LAMB4: variants seen among roughly 807,000 people sequenced by gnomAD.
The protein encoded by LAMB4 is laminin subunit beta-4.
LAMB4 carries 196 observed loss-of-function variants against 199.2 expected under a neutral mutation model. The ratio of observed to expected loss-of-function variants is 0.98; its 90% CI spans 0.88 to 1.11. LAMB4 has a LOEUF of 1.11. LAMB4 is among the 50% of genes least tolerant of loss of function. LAMB4 has a pLI of 0.00. For missense variants in LAMB4, 2,080 were observed against 2,171.2 expected, an observed-to-expected ratio of 0.96 and a Z score of 0.83; for synonymous variants, 744 against 770.6, an observed-to-expected ratio of 0.97 and a Z score of 0.57.
intron 2 of LAMB4, among the ~76,000 whole-genome samples, chr7:108,116,901 G>T (rs973597627): frequency 9.9e-5 from 15 of 152,160 alleles, no homozygotes; most frequent in Non-Finnish European, 1.3e-4. Flanking sequence ...GCCAGGCATG[G>T]TGGTTCATGC....
intron 3 of LAMB4, 56 bp downstream of exon 3, chr7:108,115,948 A>G: frequency 6.4e-7 from 1 of 1,565,988 alleles, no homozygotes; most frequent in South Asian, 1.2e-5. Context: ...GTACCTGGAA[A>G]AATCTACATC....
intron 29 of LAMB4, among the ~76,000 whole-genome samples, 195 bp from the exon 30 acceptor site, chr7:108,037,790 G>C (rs1418050960): frequency 6.6e-6 from 1 of 152,188 alleles, no homozygotes; most frequent in African/African-American, 2.4e-5. Context: ...AAGAAACAGT[G>C]CTCACTGAGT....
the LAMB4 span, among the ~76,000 whole-genome samples, chr7:108,015,128 C>T: frequency 6.6e-6 from 1 of 152,152 alleles, no homozygotes; most frequent in Non-Finnish European, 1.5e-5. Flanking sequence ...TGTTAGATTT[C>T]TTGTTTCCAA....
At chr7:108,028,222 T>G (rs2034905220) in intron 33 of LAMB4, among the ~76,000 whole-genome samples, 1 of 152,210 alleles carries the variant, frequency 6.6e-6, no homozygotes, top group Non-Finnish European at 1.5e-5. Context: ...ATATTGATTC[T>G]TTTGGAGAGT....
At chr7:108,078,118 A>T in intron 16 of LAMB4, 83 bp downstream of exon 16, 2 of 875,686 alleles carry the variant, frequency 2.3e-6, no homozygotes, top group Non-Finnish European at 3.7e-6. Context: ...CTCTTTCTCC[A>T]CTTAGTTCCC....
chr7:108,121,445 G>T (rs1039112104), intron 2 of LAMB4, among the ~76,000 whole-genome samples: 6 of 152,082 alleles, frequency 3.9e-5, no homozygotes, highest in Non-Finnish European at 7.4e-5. Context: ...ATTATAATGG[G>T]TGAGAAAAAA....
rs2037999480 is a variant in LAMB4 at position 108,106,107 on chromosome 7, A to G, written c.656-76T>C. On this transcript the variant is annotated intron_variant, in intron 7 of 33. Transcript: ENST00000388781. ...AAGGGACTCTTCTTGACTGATATAC[A>G]CTTAATATACTATAGAAAAGAGATT... 3 of 1,081,000 alleles carry G rather than the reference A, an allele frequency of 2.8e-6. No homozygotes were observed. The East Asian group carries it at 7.4e-5, about 26-fold the overall frequency. The allele number at this position is 1,081,000 out of a possible 1,614,324, so 67.0% of individuals were successfully genotyped here. A position where few individuals can be genotyped will look rare whatever the true frequency, so the allele number is the denominator to read the frequency against.
chr7:108,102,427 G>A (rs1207782272), intron 10 of LAMB4, among the ~76,000 whole-genome samples: 1 of 152,110 alleles, frequency 6.6e-6, no homozygotes, highest in Non-Finnish European at 1.5e-5. Flanking sequence ...AAATATATGA[G>A]TTTACCACTA....
At chr7:108,061,499 G>A (rs1047741179) in intron 23 of LAMB4, among the ~76,000 whole-genome samples, 1 of 152,042 alleles carries the variant, frequency 6.6e-6, no homozygotes, top group Admixed American at 6.5e-5. Context: ...AGCAATCTGA[G>A]AGGCTGAGGT....
At position 108,077,060 on chromosome 7, in the gene LAMB4, T is replaced by C. The variant is rs2036730556; in HGVS notation, c.2008A>G (p.Met670Val). The C allele has an allele frequency of 6.2e-7, 1 of 1,613,344 alleles. No homozygotes were observed. The highest frequency in any genetic ancestry group is 1.3e-5 in the African/African-American group (1 of 75,018). Residue 670 changes from methionine (M) to valine (V), a missense_variant, in exon 17 of 34, where the codon ATG (methionine) becomes GTG (valine). Transcript: ENST00000388781. Reference sequence around the variant, plus strand: ...AAACAGATGGGTGTGGGAAGCAGCATGATTCTGTATTAAGAAAGATAAAGC... The same window carrying C: ...AAACAGATGGGTGTGGGAAGCAGCACGATTCTGTATTAAGAAAGATAAAGC... Reference protein sequence around the residue: ...SFALPAATRIMLLPTPICLEP... With the variant: ...SFALPAATRIVLLPTPICLEP...
At position 108,068,179 on chromosome 7, in the gene LAMB4, G is replaced by A. The variant is rs2036409851; in HGVS notation, c.2303-20C>T. ...TGCAGGCTGCAAGGAACAATGGAAG[G>A]GAGGTAGAAATGAATGAAGAGGCAG... is the stretch of plus-strand genomic sequence containing the variant. On this transcript the variant is annotated intron_variant, in intron 18 of 33. Coordinates refer to ENST00000388781, the MANE Select transcript of LAMB4 (RefSeq NM_007356.3). 9 of 1,613,198 alleles carry A rather than the reference G, an allele frequency of 5.6e-6. No individual in the cohort carries two copies. The highest frequency in any genetic ancestry group is 7.6e-6 in the Non-Finnish European group (9 of 1,179,790).
At chr7:108,037,073 C>T (rs2035256044) in intron 30 of LAMB4, among the ~76,000 whole-genome samples, 1 of 151,896 alleles carries the variant, frequency 6.6e-6, no homozygotes, top group African/African-American at 2.4e-5. Context: ...TACCAATATT[C>T]CAACCACCTG....
chr7:108,119,610 G>T (rs2038529099), intron 2 of LAMB4, among the ~76,000 whole-genome samples: 1 of 152,124 alleles, frequency 6.6e-6, no homozygotes, highest in Non-Finnish European at 1.5e-5. Context: ...GGTTAGGAAG[G>T]CAGAGGGGGA....
In LAMB4 at chr7:108,111,871, C is replaced by T. The variant is rs747753794; in HGVS notation, c.268G>A (p.Glu90Lys). The T allele has an allele frequency of 6.2e-7, 1 of 1,611,680 alleles. No individual in the cohort carries two copies. The highest frequency in any genetic ancestry group is 1.1e-5 in the South Asian group (1 of 90,418). Residue 90 changes from glutamate (E) to lysine (K), a missense_variant, in exon 4 of 34, where the codon GAG becomes AAG. Transcript: ENST00000388781. ...GGTTCAAAACTTACAATGACATTCTCAATGGTGTGGCTGTTGGGTTGGTCA... is the reference window on the plus strand; with the variant it reads ...GGTTCAAAACTTACAATGACATTCTTAATGGTGTGGCTGTTGGGTTGGTCA... ...PYDQPNSHTI[E>K]NVIVSFEPDR... is the part of the protein sequence containing the mutation.
chr7:108,061,632 A>G (rs1453023075), intron 23 of LAMB4, among the ~76,000 whole-genome samples: 1 of 151,356 alleles, frequency 6.6e-6, no homozygotes, highest in Admixed American at 6.6e-5. Flanking sequence ...CCATCTACTC[A>G]GGAGGCTGAC....
chr7:108,106,354 G>T (rs1210017358), intron 7 of LAMB4, among the ~76,000 whole-genome samples, 155 bp downstream of exon 7: 1 of 151,932 alleles, frequency 6.6e-6, no homozygotes, highest in Non-Finnish European at 1.5e-5. Flanking sequence ...GGAGGCGGAG[G>T]TTGCAGAGAG....
chr7:108,122,398 G>A (rs2038631970), intron 2 of LAMB4, among the ~76,000 whole-genome samples: 1 of 152,196 alleles, frequency 6.6e-6, no homozygotes, highest in Non-Finnish European at 1.5e-5. Context: ...CCTCTCCAAG[G>A]CAGGGGATTT....
Position 108,078,360 on chromosome 7 carries a change from GA to G in LAMB4, c.1888-45del, listed in dbSNP as rs745577122. 3.9e-6 allele frequency: 5 copies of G among 1,277,784 alleles called. No homozygotes were observed. In the African/African-American group the frequency reaches 5.9e-5, roughly 15 times the overall value. 79.2% of individuals were successfully genotyped at this position (1,277,784 alleles called of 1,614,324 possible). A position where few individuals can be genotyped will look rare whatever the true frequency, so the allele number is the denominator to read the frequency against. On this transcript the variant is annotated intron_variant, in intron 15 of 33. Transcript: ENST00000388781. ...AAGGCATGTCACTGCAAGGATGCAG[GA>G]AAATGTTTTGCACGTACACACATAT... is the stretch of plus-strand genomic sequence containing the variant.
intron 17 of LAMB4, among the ~76,000 whole-genome samples, chr7:108,071,483 G>C (rs1196847187): frequency 6.6e-6 from 1 of 152,138 alleles, no homozygotes; most frequent in African/African-American, 2.4e-5. Context: ...GATATCTAAC[G>C]CCTATTAGTT....
Sources: allele counts gnomAD v4.1 joint callset (sites outside exome capture counted in the v4.1 genomes callset), GRCh38; gene constraint gnomAD v4.1.1; transcripts MANE v1.5; gene names NCBI Gene and HGNC (gene_info 2026-07-23, HGNC 2026-07-21).